ACSF2: variants seen among roughly 807,000 people sequenced by gnomAD.
The protein encoded by ACSF2 is acyl-CoA synthetase family member 2.
In ACSF2, 52 loss-of-function variants were observed where a neutral mutation model predicts 79.3. The observed-to-expected ratio is 0.66, with a 90% CI of 0.53 to 0.83. ACSF2 has a LOEUF of 0.83. Ranked by LOEUF, ACSF2 falls within the 40% of genes least tolerant of loss-of-function variation. The pLI, the probability that ACSF2 is intolerant of heterozygous loss-of-function variation, is 0.00. For missense variants in ACSF2, 661 were observed against 803.3 expected, an observed-to-expected ratio of 0.82 and a Z score of 2.14; for synonymous variants, 283 against 312.6, an observed-to-expected ratio of 0.91 and a Z score of 1.00.
chr17:50,428,628 T>C (rs8077902), intron 1 of ACSF2, among the ~76,000 whole-genome samples: 84,225 of 150,192 alleles, frequency 0.56, 23,974 homozygotes, highest in Middle Eastern at 0.69. Flanking sequence ...ACTAAAAATA[T>C]AAAATTAGCC....
chr17:50,444,685 A>G (rs1190634207), intron 1 of ACSF2, among the ~76,000 whole-genome samples: 1 of 151,794 alleles, frequency 6.6e-6, no homozygotes, highest in East Asian at 1.9e-4. Flanking sequence ...CACCATCTGA[A>G]AATAAGTTGC....
intron 12 of ACSF2, 28 bp from the exon 13 acceptor site, chr17:50,473,637 A>G (rs542915363): frequency 6.2e-7 from 1 of 1,613,934 alleles, no homozygotes; most frequent in East Asian, 2.2e-5. Flanking sequence ...GGCAGAGATG[A>G]CAGGTTGCCC....
Position 50,474,510 on chromosome 17 carries a change from A to G in ACSF2, c.1806A>G (p.Lys602=), listed in dbSNP as rs1208796644. Residue 602 remains lysine (K), a synonymous_variant, in exon 16 of 16, where the codon AAA becomes AAG. Transcript: ENST00000300441. The surrounding 1 kb of genome is among the most constrained non-coding windows in gnomAD (Gnocchi z 4.2). ...YPLTISGKIQ[K]FKLREQMERH... ...CATTTTCTTTCCTCTAGATCCAGAA[A>G]TTCAAACTTCGAGAGCAGATGGAAC... is the stretch of plus-strand genomic sequence containing the variant. 1 of 1,614,222 alleles carries G rather than the reference A, an allele frequency of 6.2e-7. No homozygotes were observed.
chr17:50,473,476 G>C, intron 12 of ACSF2, 189 bp from the exon 13 acceptor site: 1 of 686,336 alleles, frequency 1.5e-6, no homozygotes, highest in South Asian at 1.9e-5. Flanking sequence ...GTATTGTTTT[G>C]TTTTTGTCTA....
At chr17:50,440,996 G>A (rs1199683418) in intron 1 of ACSF2, among the ~76,000 whole-genome samples, 1 of 152,242 alleles carries the variant, frequency 6.6e-6, no homozygotes, top group Non-Finnish European at 1.5e-5. Flanking sequence ...ATCCCGGGAG[G>A]GGCTCCCCAT....
In ACSF2 at chr17:50,462,599, C is replaced by A. The variant is rs371844819; in HGVS notation, c.792+14C>A. 1.2e-6 allele frequency: 2 copies of A among 1,608,536 alleles called. No homozygotes were observed. The highest frequency in any genetic ancestry group is 1.7e-6 in the Non-Finnish European group (2 of 1,175,774). ...CAGTTCACCTCGGTAGGGCAGAGGT[C>A]TCCAGGCCCCAAGCCCAGATGGACA... On this transcript the variant is annotated intron_variant, in intron 6 of 15. Transcript: ENST00000300441.
At chr17:50,449,010 CTTTTTTTTTTTTT>C (rs1157696530) in intron 1 of ACSF2, among the ~76,000 whole-genome samples, 2 of 101,226 alleles carry the variant, frequency 2.0e-5, no homozygotes, top group Admixed American at 1.1e-4. Context: ...AATATGTAGT[CTTTTTTTTTTTTT>C]TTTTTTTTTT....
At chr17:50,465,632 C>G (rs1235148814) in intron 10 of ACSF2, 15 of 1,563,020 alleles carry the variant, frequency 9.6e-6, no homozygotes, top group Non-Finnish European at 1.3e-5. Flanking sequence ...GCATGTCCAA[C>G]ATGTCTTAGT....
intron 12 of ACSF2, chr17:50,473,442 T>A (rs2033206824): frequency 1.7e-6 from 1 of 576,690 alleles, no homozygotes; most frequent in South Asian, 2.1e-5. Context: ...ATAGATGTGT[T>A]GAGAGAGACA....
intron 10 of ACSF2, chr17:50,468,329 A>T (rs1245211003): frequency 6.2e-7 from 1 of 1,614,148 alleles, no homozygotes. Flanking sequence ...GCCTGCGCGC[A>T]GCTCACGGAT....
chr17:50,462,937 T>A, intron 6 of ACSF2: 3 of 595,052 alleles, frequency 5.0e-6, no homozygotes, highest in Non-Finnish European at 8.9e-6. Context: ...CAGAGTTCTC[T>A]GGGCCATGTA....
chr17:50,461,163 G>C (rs2032304811), intron 2 of ACSF2, 79 bp from the exon 3 acceptor site: 1 of 1,596,724 alleles, frequency 6.3e-7, no homozygotes, highest in African/African-American at 1.3e-5. Context: ...AGAACTCCGG[G>C]CTAAGGGCTG....
At position 50,474,102 on chromosome 17, in the gene ACSF2, G is replaced by A. The variant is rs1421839630; in HGVS notation, c.1729-97G>A. 14 of 1,587,356 alleles carry A rather than the reference G, an allele frequency of 8.8e-6. No homozygotes were observed. Among genetic ancestry groups the A allele is most frequent in the East Asian group, 2.2e-5 (1 of 44,750 alleles). On this transcript the variant is annotated intron_variant, in intron 14 of 15. Coordinates refer to ENST00000300441, the MANE Select transcript of ACSF2 (RefSeq NM_025149.6). The surrounding 1 kb of genome is among the most constrained non-coding windows in gnomAD (Gnocchi z 4.2). ...GGGTGGGGATTGCTCTGCCCTTGAC[G>A]AAGCTGACTCCTGGCCAGGCCAGCC...
intron 1 of ACSF2, among the ~76,000 whole-genome samples, chr17:50,452,736 C>T (rs1598409935): frequency 6.6e-6 from 1 of 152,218 alleles, no homozygotes; most frequent in African/African-American, 2.4e-5. Context: ...ATGCCCCAGG[C>T]ATTTGTGGTG....
rs2033251063 is a variant in ACSF2, at chr17:50,474,321, G to C, written c.1797+54G>C. On this transcript the variant is annotated intron_variant, in intron 15 of 15. Transcript: ENST00000300441. The surrounding 1 kb of genome is among the most constrained non-coding windows in gnomAD (Gnocchi z 4.2). ...GCAGCCTGGGCTCTGGGGCCCCATA[G>C]GGCCCCACCTCTGTTTCCTTCAGCA... 9 of 1,590,760 alleles carry C rather than the reference G, an allele frequency of 5.7e-6. No homozygotes were observed. The South Asian group carries it at 9.9e-5, about 18-fold the overall frequency.
intron 1 of ACSF2, among the ~76,000 whole-genome samples, chr17:50,438,233 T>TA (rs2030588122): frequency 6.6e-6 from 1 of 152,234 alleles, no homozygotes; most frequent in Non-Finnish European, 1.5e-5. Flanking sequence ...ATACAGTATC[T>TA]ACACATCACT....
intron 10 of ACSF2, chr17:50,470,089 C>G (rs892693487): frequency 3.3e-5 from 5 of 152,736 alleles, no homozygotes; most frequent in African/African-American, 1.2e-4. Context: ...AAACCCCAGC[C>G]GTGCCAGAGC....
intron 1 of ACSF2, among the ~76,000 whole-genome samples, chr17:50,432,005 T>G (rs960243087): frequency 2.0e-5 from 3 of 152,122 alleles, no homozygotes; most frequent in Non-Finnish European, 2.9e-5. Context: ...TCTTGAGTGA[T>G]CCTCCTATCT....
At chr17:50,461,606 C>G in intron 3 of ACSF2, 27 bp from the exon 4 acceptor site, 6 of 1,614,054 alleles carry the variant, frequency 3.7e-6, no homozygotes, top group Non-Finnish European at 5.1e-6. Context: ...GCCCAGAATA[C>G]TGATATGCCC....
Sources: allele counts gnomAD v4.1 joint callset (sites outside exome capture counted in the v4.1 genomes callset), GRCh38; gene constraint gnomAD v4.1.1; non-coding constraint Gnocchi (gnomAD v3.1); transcripts MANE v1.5; gene names NCBI Gene and HGNC (gene_info 2026-07-23, HGNC 2026-07-21).